Variants in TYW1B observed in about 807,000 individuals in gnomAD.
The protein encoded by TYW1B is tRNA-yW synthesizing protein 1 homolog B.
Under a neutral mutation model 86.9 loss-of-function variants are expected in TYW1B, and 73 were observed. The observed-to-expected ratio is 0.84, with a 90% CI of 0.70 to 1.02. TYW1B has a LOEUF of 1.02. Among genes scored for constraint, TYW1B ranks in the 50% least tolerant of loss-of-function variants. The probability of loss-of-function intolerance (pLI) is 0.00; values close to 1 mark genes in which losing one functional copy is unlikely to be tolerated. For missense variants in TYW1B, 637 were observed against 827.4 expected, an observed-to-expected ratio of 0.77 and a Z score of 2.82; for synonymous variants, 248 against 292.8, an observed-to-expected ratio of 0.85 and a Z score of 1.56.
At chr7:72,746,223 A>G (rs1787392236) in intron 7 of TYW1B, among the ~76,000 whole-genome samples, 1 of 151,850 alleles carries the variant, frequency 6.6e-6, no homozygotes, top group South Asian at 2.1e-4. Flanking sequence ...CCTTTTAACT[A>G]TTTTTTGTTC....
At chr7:72,583,712 G>A (rs576612715) in intron 13 of TYW1B, among the ~76,000 whole-genome samples, 1 of 152,344 alleles carries the variant, frequency 6.6e-6, no homozygotes, top group Admixed American at 6.5e-5. Flanking sequence ...GAGAGGACTG[G>A]CAGGCAAACA....
At chr7:72,800,450 C>T (rs1261750869) in intron 6 of TYW1B, among the ~76,000 whole-genome samples, 1 of 152,084 alleles carries the variant, frequency 6.6e-6, no homozygotes, top group Non-Finnish European at 1.5e-5. Flanking sequence ...CCTCCCATCA[C>T]GTCAGCCTCC....
intron 4 of TYW1B, among the ~76,000 whole-genome samples, chr7:72,809,285 C>T (rs1464086307): frequency 3.9e-5 from 6 of 152,018 alleles, no homozygotes; most frequent in African/African-American, 1.4e-4. Flanking sequence ...CCTCGTGATC[C>T]GCCTGCCTCG....
chr7:72,702,054 C>T (rs1300883271), intron 10 of TYW1B, among the ~76,000 whole-genome samples: 1 of 152,182 alleles, frequency 6.6e-6, no homozygotes, highest in African/African-American at 2.4e-5. Context: ...TCAAAGTCCC[C>T]TATGACATCT....
intron 12 of TYW1B, among the ~76,000 whole-genome samples, chr7:72,617,095 C>T (rs1812095075): frequency 6.6e-6 from 1 of 152,226 alleles, no homozygotes; most frequent in Non-Finnish European, 1.5e-5. Context: ...CTACCGTTGT[C>T]ACAATCTAGG....
chr7:72,657,070 T>C (rs759593388), intron 11 of TYW1B, among the ~76,000 whole-genome samples: 19 of 152,140 alleles, frequency 1.2e-4, no homozygotes, highest in Non-Finnish European at 8.8e-5. Context: ...ATTTATGAAA[T>C]GCCTGAAAAG....
At chr7:72,622,612 C>A (rs185235274) in intron 12 of TYW1B, among the ~76,000 whole-genome samples, 4 of 152,098 alleles carry the variant, frequency 2.6e-5, no homozygotes, top group East Asian at 1.9e-4. Context: ...CACGCACACA[C>A]GGACACACAC....
chr7:72,662,768 T>C (rs1478954891), intron 11 of TYW1B, among the ~76,000 whole-genome samples: 2 of 152,176 alleles, frequency 1.3e-5, no homozygotes, highest in Non-Finnish European at 2.9e-5. Context: ...GTTTTTGCCA[T>C]GTACATGAGT....
At chr7:72,767,782 T>G (rs2129571828) in intron 7 of TYW1B, among the ~76,000 whole-genome samples, 1 of 152,264 alleles carries the variant, frequency 6.6e-6, no homozygotes, top group East Asian at 1.9e-4. Flanking sequence ...ACCATCATTT[T>G]CTTCTAGAGA....
intron 9 of TYW1B, among the ~76,000 whole-genome samples, chr7:72,719,767 T>TA (rs2129570840): frequency 6.6e-6 from 1 of 152,036 alleles, no homozygotes; most frequent in Non-Finnish European, 1.5e-5. Context: ...GGATAAGTCT[T>TA]GCTGAAAAGG....
At chr7:72,651,189 C>T (rs111723811) in intron 11 of TYW1B, among the ~76,000 whole-genome samples, 4,615 of 152,088 alleles carry the variant, frequency 0.03, 240 homozygotes, top group African/African-American at 0.1. Context: ...CATGCATATA[C>T]GGAAACTTAA....
chr7:72,761,705 A>G (rs1787688739), intron 7 of TYW1B, among the ~76,000 whole-genome samples: 1 of 152,082 alleles, frequency 6.6e-6, no homozygotes, highest in East Asian at 1.9e-4. Flanking sequence ...AAGAAATAGA[A>G]TACCGAAAGG....
chr7:72,644,294 A>G lies in TYW1B; in HGVS notation c.1507-15297T>C, dbSNP rs1430286759. Among the ~76,000 whole-genome samples the G allele has an allele frequency of 2.0e-5, 3 of 152,310 alleles. No individual in the cohort carries two copies. The East Asian group carries it at 5.8e-4, about 29-fold the overall frequency. ...GTAGGGGGCTGGGGCTCACACCTAT[A>G]ATCCCAACACTTTGGGAGGTTGACG... On this transcript the variant is annotated intron_variant, in intron 11 of 13. Transcript: ENST00000620995.
intron 11 of TYW1B, among the ~76,000 whole-genome samples, chr7:72,636,469 T>A (rs1369742129): frequency 2.6e-5 from 4 of 152,222 alleles, no homozygotes; most frequent in Admixed American, 6.5e-5. Flanking sequence ...GATTCCATGT[T>A]AAATGGAAGT....
intron 11 of TYW1B, among the ~76,000 whole-genome samples, chr7:72,641,208 A>C (rs1425287399): frequency 5.9e-5 from 9 of 152,100 alleles, no homozygotes; most frequent in African/African-American, 2.2e-4. Context: ...AAAATGACTC[A>C]AGGAGAAATG....
chr7:72,743,441 G>A (rs1486446641), intron 8 of TYW1B, among the ~76,000 whole-genome samples: 1 of 152,184 alleles, frequency 6.6e-6, no homozygotes, highest in Non-Finnish European at 1.5e-5. Context: ...TATTAGATCT[G>A]ATAGTAAGGA....
At chr7:72,676,726 G>A (rs566009091) in intron 11 of TYW1B, among the ~76,000 whole-genome samples, 243 of 152,262 alleles carry the variant, frequency 1.6e-3, no homozygotes, top group Non-Finnish European at 2.8e-3. Flanking sequence ...TTGGGAGGCC[G>A]AGGCGGTGGA....
intron 10 of TYW1B, among the ~76,000 whole-genome samples, chr7:72,713,224 C>G (rs1218399108): frequency 1.3e-5 from 2 of 148,714 alleles, no homozygotes; most frequent in Non-Finnish European, 3.0e-5. Flanking sequence ...TCACTTGAAC[C>G]TAGGAGGCGG....
chr7:72,714,475 T>C (rs1313160524), intron 9 of TYW1B, among the ~76,000 whole-genome samples: 2 of 143,456 alleles, frequency 1.4e-5, no homozygotes, highest in African/African-American at 5.2e-5. Context: ...AAAAAAAAAA[T>C]AGCTGGGCAT....
Sources: gnomAD v4.1 joint callset for allele counts (sites outside exome capture counted in the v4.1 genomes callset) on GRCh38, gnomAD v4.1.1 for gene constraint, MANE v1.5 for transcripts, NCBI Gene and HGNC (gene_info 2026-07-23, HGNC 2026-07-21) for gene names.